The following ASIC2 variants were observed in gnomAD, a reference collection of about 807,000 sequenced individuals.
ASIC2 encodes acid sensing ion channel subunit 2.
ASIC2 carries 25 observed loss-of-function variants against 57.3 expected under a neutral mutation model. The observed-to-expected ratio is 0.44, with a 90% confidence interval of 0.32 to 0.61. The LOEUF is 0.61. Ranked by LOEUF, ASIC2 falls within the 20% of genes least tolerant of loss-of-function variation. The probability of loss-of-function intolerance (pLI) is 0.06; values close to 1 mark genes in which losing one functional copy is unlikely to be tolerated. For missense variants in ASIC2, 641 were observed against 738.1 expected, an observed-to-expected ratio of 0.87 and a Z score of 1.52; for synonymous variants, 319 against 307.5, an observed-to-expected ratio of 1.04 and a Z score of -0.39.
At chr17:33,157,916 G>A (rs1435030434) in intron 1 of ASIC2, among the ~76,000 whole-genome samples, 3 of 152,180 alleles carry the variant, frequency 2.0e-5, no homozygotes, top group Non-Finnish European at 4.4e-5. Context: ...CTCCCCAGGG[G>A]CTCACACTGC....
At chr17:33,135,189 C>G (rs2092362831) in intron 1 of ASIC2, among the ~76,000 whole-genome samples, 1 of 152,164 alleles carries the variant, frequency 6.6e-6, no homozygotes, top group Admixed American at 6.5e-5. Context: ...CTTCTTCCAC[C>G]CCAGCTGCCC....
In ASIC2 at chr17:33,433,231, G is replaced by A. The variant is rs142799895; in HGVS notation, c.556-321164C>T. Among the ~76,000 whole-genome samples the A allele has an allele frequency of 1.8e-3, 271 of 152,288 alleles. 1 individual carries two copies. Among genetic ancestry groups the A allele is most frequent in the African/African-American group, 6.0e-3 (248 of 41,562 alleles). On this transcript the variant is annotated intron_variant, in intron 1 of 9. Transcript: ENST00000359872. ...AATATTATGTAGCCATTAAAAAAAT[G>A]AGATCATGTCCTTTGCAGGAACATG...
intron 1 of ASIC2, among the ~76,000 whole-genome samples, chr17:33,369,022 T>C (rs1355137976): frequency 7.9e-5 from 12 of 152,114 alleles, no homozygotes; most frequent in Non-Finnish European, 8.8e-5. Flanking sequence ...GAAAGCAAGA[T>C]GGAGTGAACA....
At chr17:33,654,756 AG>A (rs1408291261) in intron 1 of ASIC2, among the ~76,000 whole-genome samples, 1 of 152,234 alleles carries the variant, frequency 6.6e-6, no homozygotes, top group Non-Finnish European at 1.5e-5. Context: ...CAGAAGAAGT[AG>A]GGAATGTGGT....
At chr17:33,786,054 G>A (rs1272259834) in intron 1 of ASIC2, among the ~76,000 whole-genome samples, 3 of 152,170 alleles carry the variant, frequency 2.0e-5, no homozygotes, top group South Asian at 2.1e-4. Flanking sequence ...GCAAGCTCAC[G>A]CAGCTGGAAG....
At chr17:33,982,406 T>C (rs541391078) in intron 1 of ASIC2, among the ~76,000 whole-genome samples, 1 of 152,322 alleles carries the variant, frequency 6.6e-6, no homozygotes, top group Non-Finnish European at 1.5e-5. Context: ...TTGTAACTTA[T>C]GCTGGTGGGC....
intron 1 of ASIC2, among the ~76,000 whole-genome samples, chr17:33,747,041 C>T (rs1211315215): frequency 1.3e-5 from 2 of 152,300 alleles, no homozygotes; most frequent in African/African-American, 4.8e-5. Flanking sequence ...ATGTTCTCCT[C>T]TGTGAAACGG....
intron 1 of ASIC2, among the ~76,000 whole-genome samples, chr17:33,391,360 T>A (rs1909881469): frequency 6.6e-6 from 1 of 152,216 alleles, no homozygotes. Flanking sequence ...AATTATTCTC[T>A]CAAAGGTCAC....
At chr17:33,025,869 TG>T in intron 5 of ASIC2, 56 bp downstream of exon 5, 2 of 1,484,790 alleles carry the variant, frequency 1.3e-6, no homozygotes, top group South Asian at 1.3e-5. Flanking sequence ...ATGATTTCCA[TG>T]ATCTCAGTCT....
At chr17:34,079,709 C>A (rs1048228945) in intron 1 of ASIC2, among the ~76,000 whole-genome samples, 2 of 152,148 alleles carry the variant, frequency 1.3e-5, no homozygotes, top group Non-Finnish European at 2.9e-5. Flanking sequence ...GAGTGAGCCA[C>A]CCAGGGTGCA....
At chr17:33,527,441 A>T (rs1352101793) in intron 1 of ASIC2, among the ~76,000 whole-genome samples, 1 of 152,190 alleles carries the variant, frequency 6.6e-6, no homozygotes, top group African/African-American at 2.4e-5. Flanking sequence ...AAAGGAACAC[A>T]CGTGGTTCCT....
chr17:33,572,686 T>C (rs1338111973), intron 1 of ASIC2, among the ~76,000 whole-genome samples: 1 of 152,228 alleles, frequency 6.6e-6, no homozygotes, highest in African/African-American at 2.4e-5. Context: ...CCCAGCCGCT[T>C]ACCTGAATCA....
At chr17:34,004,259 G>A (rs765045395) in intron 1 of ASIC2, 1 of 152,266 alleles carries the variant, frequency 6.6e-6, no homozygotes, top group African/African-American at 2.4e-5. Flanking sequence ...ACCAGCTTTG[G>A]AGCCACCTCC....
chr17:33,311,175 C>A (rs1182007744), intron 1 of ASIC2, among the ~76,000 whole-genome samples: 1 of 152,212 alleles, frequency 6.6e-6, no homozygotes, highest in Non-Finnish European at 1.5e-5. Context: ...GGCTGCTTTG[C>A]ATCTCATCTG....
At chr17:34,126,738 C>T (rs1392027311) in intron 1 of ASIC2, among the ~76,000 whole-genome samples, 1 of 152,230 alleles carries the variant, frequency 6.6e-6, no homozygotes, top group East Asian at 1.9e-4. Context: ...GTGGATGGGA[C>T]CACACAGTCT....
At chr17:33,256,189 G>A (rs917469080) in intron 1 of ASIC2, among the ~76,000 whole-genome samples, 1 of 152,152 alleles carries the variant, frequency 6.6e-6, no homozygotes, top group African/African-American at 2.4e-5. Flanking sequence ...CAAAGGGTCT[G>A]GCCACAGCGA....
At chr17:33,546,280 CTA>C (rs1262037173) in intron 1 of ASIC2, among the ~76,000 whole-genome samples, 1 of 152,014 alleles carries the variant, frequency 6.6e-6, no homozygotes, top group Non-Finnish European at 1.5e-5. Flanking sequence ...GCTATGTCCT[CTA>C]TGGAATTTTC....
chr17:33,565,170 G>C (rs900792804), intron 1 of ASIC2, among the ~76,000 whole-genome samples: 2 of 152,054 alleles, frequency 1.3e-5, no homozygotes, highest in African/African-American at 4.8e-5. Flanking sequence ...TCCCTGGCTT[G>C]CCCTTCCCTC....
intron 1 of ASIC2, among the ~76,000 whole-genome samples, chr17:33,777,125 C>A (rs1354247397): frequency 1.3e-5 from 2 of 152,242 alleles, no homozygotes; most frequent in African/African-American, 4.8e-5. Context: ...AAGCTGGCGC[C>A]CGCTGATCCC....
Sources: allele counts gnomAD v4.1 joint callset (sites outside exome capture counted in the v4.1 genomes callset), GRCh38; gene constraint gnomAD v4.1.1; transcripts MANE v1.5; gene names NCBI Gene and HGNC (gene_info 2026-07-23, HGNC 2026-07-21).